PLCXD3: variants seen among roughly 807,000 people sequenced by gnomAD.
The protein encoded by PLCXD3 is phosphatidylinositol specific phospholipase C X domain containing 3.
PLCXD3 carries 19 observed loss-of-function variants against 25.5 expected under a neutral mutation model. That is an observed-to-expected ratio of 0.75 (90% CI 0.52 to 1.09). PLCXD3 has a LOEUF of 1.09. PLCXD3 is among the 50% of genes least tolerant of loss of function. PLCXD3 has a pLI of 0.00. For synonymous variants in PLCXD3, 174 were observed against 137.6 expected (o/e 1.26, Z -1.85); for missense variants, 411 against 388.1 (o/e 1.06, Z -0.50).
intron 1 of PLCXD3, among the ~76,000 whole-genome samples, chr5:41,491,727 G>A (rs886442194): frequency 3.3e-5 from 5 of 151,946 alleles, no homozygotes; most frequent in African/African-American, 1.2e-4. Flanking sequence ...TTGGTTTAAA[G>A]TCTGTTTTAT....
intron 1 of PLCXD3, among the ~76,000 whole-genome samples, chr5:41,429,533 T>C (rs1050263470): frequency 7.9e-5 from 12 of 152,156 alleles, no homozygotes; most frequent in African/African-American, 2.7e-4. Flanking sequence ...CCTTATGGAT[T>C]TGTGTCTTAT....
In PLCXD3 at chr5:41,312,198, A is replaced by G. The variant is rs1357002027; in HGVS notation, c.*1419T>C. ...CTTCCCTGTAGACCCGGACTATTAA[A>G]CGTTAGGTTGCAGAAACTTTGTGTG... On this transcript the variant is annotated 3_prime_UTR_variant, in exon 3 of 3. Transcript: ENST00000377801. 6.6e-6 allele frequency: 1 copy of G among 152,476 alleles called. No individual in the cohort carries two copies. Among genetic ancestry groups the G allele is most frequent in the African/African-American group, 2.4e-5 (1 of 41,414 alleles). 9.4% of individuals were successfully genotyped at this position (152,476 alleles called of 1,614,324 possible).
chr5:41,345,919 G>A (rs968833488), intron 2 of PLCXD3, among the ~76,000 whole-genome samples: 12 of 146,124 alleles, frequency 8.2e-5, no homozygotes, highest in Non-Finnish European at 1.8e-4. Flanking sequence ...TCACTCTGTC[G>A]CCTGGGCTGG....
intron 2 of PLCXD3, among the ~76,000 whole-genome samples, chr5:41,315,976 G>T (rs776276977): frequency 6.6e-6 from 1 of 152,152 alleles, no homozygotes; most frequent in African/African-American, 2.4e-5. Flanking sequence ...GGCAGTCTAG[G>T]TCATAAGAAC....
chr5:41,413,029 C>T (rs1746603964), intron 1 of PLCXD3, among the ~76,000 whole-genome samples: 1 of 152,106 alleles, frequency 6.6e-6, no homozygotes, highest in Non-Finnish European at 1.5e-5. Flanking sequence ...TCTAATGATC[C>T]TAAGTTGAGA....
intron 1 of PLCXD3, among the ~76,000 whole-genome samples, chr5:41,421,546 A>G: frequency 6.6e-6 from 1 of 151,832 alleles, no homozygotes; most frequent in East Asian, 1.9e-4. Flanking sequence ...CTAAAAATAC[A>G]AAAAATTAAC....
At chr5:41,442,282 G>A (rs1413982070) in intron 1 of PLCXD3, among the ~76,000 whole-genome samples, 1 of 152,216 alleles carries the variant, frequency 6.6e-6, no homozygotes, top group African/African-American at 2.4e-5. Flanking sequence ...GTATGCACAT[G>A]TGACTTAGTT....
chr5:41,504,254 C>T (rs1451420767), intron 1 of PLCXD3, among the ~76,000 whole-genome samples: 2 of 152,022 alleles, frequency 1.3e-5, no homozygotes, highest in Non-Finnish European at 2.9e-5. Context: ...AAGAAGATTC[C>T]TGAAAAAGAA....
At position 41,428,561 on chromosome 5, in the gene PLCXD3, C is replaced by T. The variant is rs182886244; in HGVS notation, c.104-46027G>A. Among the ~76,000 whole-genome samples, 81 of 151,928 alleles carry T rather than the reference C, an allele frequency of 5.3e-4. 1 individual carries two copies. The highest frequency in any genetic ancestry group is 2.9e-5 in the Non-Finnish European group (2 of 67,916). On this transcript the variant is annotated intron_variant, in intron 1 of 2. Coordinates refer to ENST00000377801, the MANE Select transcript of PLCXD3 (RefSeq NM_001005473.3). ...CTCAGAAGAAACAAAACCAGCCAAC[C>T]CCTTGATCTTGGACTTGTAGCTTCC... is the stretch of plus-strand genomic sequence containing the variant.
At chr5:41,360,294 C>T (rs1744735390) in intron 2 of PLCXD3, among the ~76,000 whole-genome samples, 1 of 152,148 alleles carries the variant, frequency 6.6e-6, no homozygotes, top group South Asian at 2.1e-4. Context: ...AGTTGGACTT[C>T]ACCTTTCTCT....
chr5:41,345,813 T>C (rs1244987391), intron 2 of PLCXD3, among the ~76,000 whole-genome samples: 1 of 152,220 alleles, frequency 6.6e-6, no homozygotes, highest in Non-Finnish European at 1.5e-5. Context: ...TACATACTTA[T>C]TTGCCTTTAT....
intron 1 of PLCXD3, among the ~76,000 whole-genome samples, chr5:41,382,969 T>G (rs1580339720): frequency 6.6e-6 from 1 of 152,214 alleles, no homozygotes; most frequent in East Asian, 1.9e-4. Context: ...ATTGTCTCAA[T>G]GAATAAAGAT....
intron 2 of PLCXD3, among the ~76,000 whole-genome samples, chr5:41,321,677 C>A (rs1194898458): frequency 6.6e-6 from 1 of 152,062 alleles, no homozygotes; most frequent in Admixed American, 6.5e-5. Flanking sequence ...TTTAAATTAT[C>A]CTGCAGAGAA....
At position 41,382,264 on chromosome 5, in the gene PLCXD3, A is replaced by G. The variant is rs550007237; in HGVS notation, c.374T>C (p.Leu125Pro). Residue 125 changes from leucine (L) to proline (P), a missense_variant, in exon 2 of 3, where the codon CTT becomes CCT. Coordinates refer to ENST00000377801, the MANE Select transcript of PLCXD3 (RefSeq NM_001005473.3). ...TGTGAGGAATGCATTGATCTCCTCAAGGCCTTCATTGACTTTGGCACTGAA... is the reference window on the plus strand; with the variant it reads ...TGTGAGGAATGCATTGATCTCCTCAGGGCCTTCATTGACTTTGGCACTGAA... Reference protein sequence around the residue: ...GLFSAKVNEGLEEINAFLTDH... With the variant: ...GLFSAKVNEGPEEINAFLTDH... 1 of 1,613,760 alleles carries G rather than the reference A, an allele frequency of 6.2e-7. No individual in the cohort carries two copies. The highest frequency in any genetic ancestry group is 1.1e-5 in the South Asian group (1 of 91,086).
chr5:41,331,869 C>T (rs1308308520), intron 2 of PLCXD3, among the ~76,000 whole-genome samples: 1 of 152,096 alleles, frequency 6.6e-6, no homozygotes, highest in African/African-American at 2.4e-5. Flanking sequence ...ATAAATGATG[C>T]TGGGAAAACT....
intron 2 of PLCXD3, among the ~76,000 whole-genome samples, chr5:41,371,868 G>C (rs1241177190): frequency 1.3e-5 from 2 of 152,158 alleles, no homozygotes; most frequent in African/African-American, 4.8e-5. Context: ...AATGTGAACT[G>C]AGATTTCCAC....
intron 2 of PLCXD3, among the ~76,000 whole-genome samples, chr5:41,334,290 C>T (rs746821872): frequency 3.1e-4 from 47 of 152,130 alleles, no homozygotes; most frequent in Non-Finnish European, 6.0e-4. Context: ...AGTCATGCCA[C>T]ACCACCTCAC....
intron 1 of PLCXD3, among the ~76,000 whole-genome samples, chr5:41,501,156 A>C (rs1254432467): frequency 1.3e-5 from 2 of 152,082 alleles, no homozygotes; most frequent in Non-Finnish European, 2.9e-5. Flanking sequence ...AATTACGTCG[A>C]AATTTTAAAG....
intron 1 of PLCXD3, among the ~76,000 whole-genome samples, chr5:41,461,358 C>T (rs1747870146): frequency 6.6e-6 from 1 of 151,876 alleles, no homozygotes. Context: ...AGAAAATTAT[C>T]CCTCCTACCT....
Sources: gnomAD v4.1 joint callset for allele counts (sites outside exome capture counted in the v4.1 genomes callset) on GRCh38, gnomAD v4.1.1 for gene constraint, MANE v1.5 for transcripts, NCBI Gene and HGNC (gene_info 2026-07-23, HGNC 2026-07-21) for gene names.